FRMD7: variants seen among roughly 807,000 people sequenced by gnomAD.
FRMD7 encodes the protein FERM domain-containing protein 7.
FRMD7 carries 14 observed loss-of-function variants against 44.1 expected under a neutral mutation model. The observed-to-expected ratio is 0.32, with a 90% CI of 0.21 to 0.50. The LOEUF (loss-of-function observed/expected upper bound fraction) is 0.50. Ranked by LOEUF, FRMD7 falls within the 20% of genes least tolerant of loss-of-function variation. The pLI is 0.99. For synonymous variants in FRMD7, 212 were observed against 187.4 expected (o/e 1.13, Z -1.07); for missense variants, 501 against 522.3 (o/e 0.96, Z 0.40).
intron 1 of FRMD7, among the ~76,000 whole-genome samples, chrX:132,122,924 T>C (rs1480787712): frequency 8.9e-6 from 1 of 111,946 alleles, no homozygotes; most frequent in African/African-American, 3.2e-5. Context: ...ATAGAATACA[T>C]TGCCTGAAAG....
chrX:132,090,811 T>C (rs1928145987), intron 5 of FRMD7, among the ~76,000 whole-genome samples: 1 of 111,482 alleles, frequency 9.0e-6, no homozygotes, highest in Admixed American at 9.5e-5. Context: ...ACGTTGACCC[T>C]AAGAAAAACA....
At chrX:132,126,928 C>A (rs1328723000) in intron 1 of FRMD7, among the ~76,000 whole-genome samples, 1 of 112,339 alleles carries the variant, frequency 8.9e-6, no homozygotes, top group African/African-American at 3.2e-5. Flanking sequence ...CCCACACACA[C>A]AACATCATGG....
At chrX:132,093,563 C>CT (rs890657851) in intron 5 of FRMD7, among the ~76,000 whole-genome samples, 5 of 112,613 alleles carry the variant, frequency 4.4e-5, no homozygotes, top group Non-Finnish European at 9.4e-5. Flanking sequence ...ATGCCTGGGG[C>CT]TTTTTTCCCT....
intron 1 of FRMD7, among the ~76,000 whole-genome samples, chrX:132,112,619 T>C (rs1283005384): frequency 1.8e-5 from 2 of 111,840 alleles, no homozygotes; most frequent in African/African-American, 3.3e-5. Context: ...GTGTGAAAGA[T>C]GGAAGGCTTA....
At chrX:132,107,606 A>G (rs1166622804) in intron 1 of FRMD7, among the ~76,000 whole-genome samples, 4 of 101,622 alleles carry the variant, frequency 3.9e-5, no homozygotes, top group African/African-American at 1.4e-4. Flanking sequence ...TACATGGTGG[A>G]GAGAGAGAGA....
rs1176203248 is a variant in FRMD7 at position 132,080,223 on chromosome X, T to C, written c.949A>G (p.Arg317Gly). Residue 317 changes from arginine to glycine, a missense_variant, in exon 10 of 12, where the codon AGG (arginine) becomes GGG (glycine). Physicochemically the swap from Arg to Gly is moderately radical, Grantham distance 125. This residue lies in a region of FRMD7 where 453 missense variants were observed against 452.7 expected (regional missense o/e 1.00). Coordinates refer to ENST00000298542, the MANE Select transcript of FRMD7 (RefSeq NM_194277.3). The part of the protein sequence containing the change: ...RQLLEYGRKG[R>G]LKSLPFERKH... ...CTTTCAAATGGCAAGCTCTTCAGCC[T>C]CCCTTTTCTCCCATATTCCAAAAGT... 2.5e-6 allele frequency: 3 copies of C among 1,203,237 alleles called. No individual in the cohort carries two copies. The highest frequency in any genetic ancestry group is 4.4e-5 in the Admixed American group (2 of 45,750).
chrX:132,101,875 T>C (rs1388958244), intron 1 of FRMD7, among the ~76,000 whole-genome samples: 1 of 111,443 alleles, frequency 9.0e-6, no homozygotes, highest in African/African-American at 3.3e-5. Flanking sequence ...CTGCCTCCAC[T>C]ATTGCTGAAC....
chrX:132,126,783 C>T (rs757426737), intron 1 of FRMD7, among the ~76,000 whole-genome samples: 15 of 111,756 alleles, frequency 1.3e-4, no homozygotes, highest in South Asian at 3.8e-4. Flanking sequence ...CATTCAGGTC[C>T]GTGGAACTAG....
intron 1 of FRMD7, among the ~76,000 whole-genome samples, chrX:132,101,465 T>C (rs188131707): frequency 6.2e-5 from 7 of 112,383 alleles, no homozygotes; most frequent in Non-Finnish European, 3.8e-5. Context: ...CACCCTCACT[T>C]ACCTCAAGCA....
chrX:132,121,565 C>T (rs1352792529), intron 1 of FRMD7, among the ~76,000 whole-genome samples: 2 of 106,122 alleles, frequency 1.9e-5, no homozygotes, highest in Non-Finnish European at 3.9e-5. Flanking sequence ...CCCTATGGAG[C>T]AGGTACTAAT....
chrX:132,124,580 G>A (rs1264597973), intron 1 of FRMD7, among the ~76,000 whole-genome samples: 3 of 111,780 alleles, frequency 2.7e-5, no homozygotes, highest in African/African-American at 9.8e-5. Flanking sequence ...TATTTTCAGA[G>A]AATTTATCTA....
chrX:132,104,380 C>G (rs1241108427), intron 1 of FRMD7, among the ~76,000 whole-genome samples: 1 of 111,400 alleles, frequency 9.0e-6, no homozygotes, highest in Non-Finnish European at 1.9e-5. Flanking sequence ...ATAATGCATT[C>G]TATTCCCTCT....
chrX:132,102,714 G>A (rs1928535932), intron 1 of FRMD7, among the ~76,000 whole-genome samples: 2 of 111,649 alleles, frequency 1.8e-5, no homozygotes, highest in African/African-American at 6.5e-5. Flanking sequence ...TCAGTCATGA[G>A]GACCAAATTC....
rs1365091186 is a variant in FRMD7 at position 132,078,286 on chromosome X, T to C, written c.1731A>G (p.Ala577=). Residue 577 remains alanine (A), a synonymous_variant, in exon 12 of 12, where the codon GCA becomes GCG. Transcript: ENST00000298542. ...LEEEDPNLED[A]FVCNIQEQTP... ...TTTGCTCTTGAATGTTACATACAAA[T>C]GCATCTTCCAAATTTGGGTCTTCCT... The C allele has an allele frequency of 8.3e-7, 1 of 1,211,419 alleles. No homozygotes were observed.
chrX:132,094,807 T>C (rs1239209333), intron 4 of FRMD7, among the ~76,000 whole-genome samples: 1 of 111,639 alleles, frequency 9.0e-6, no homozygotes. Context: ...CAACACATCA[T>C]TTTACACAGT....
chrX:132,086,020 A>T lies in FRMD7; in HGVS notation c.397T>A (p.Phe133Ile), dbSNP rs1203155294. ...SHILQSELGD[F>I]HEETDRKHLA... ...TGCTTCCTATCTGTTTCTTCATGAA[A>T]GTCTCCAAGTTCTGCTGCATGACAG... The change falls in exon 6 of 12, where the codon TTT becomes ATT. Residue 133 changes from phenylalanine (F) to isoleucine (I), a missense_variant. Physicochemically the swap from Phe to Ile is conservative, Grantham distance 21 (BLOSUM62 0). Coordinates refer to ENST00000298542, the MANE Select transcript of FRMD7 (RefSeq NM_194277.3). 8.5e-7 allele frequency: 1 copy of T among 1,173,557 alleles called. No homozygotes were observed. The highest frequency in any genetic ancestry group is 1.2e-6 in the Non-Finnish European group (1 of 861,961).
intron 1 of FRMD7, among the ~76,000 whole-genome samples, chrX:132,113,081 A>G (rs927190049): frequency 8.1e-5 from 9 of 111,439 alleles, no homozygotes; most frequent in African/African-American, 2.3e-4. Flanking sequence ...TGAAATTATC[A>G]TGCCTAAATT....
chrX:132,088,369 G>A (rs975383142), intron 5 of FRMD7, among the ~76,000 whole-genome samples: 1 of 111,055 alleles, frequency 9.0e-6, no homozygotes, highest in South Asian at 3.8e-4. Flanking sequence ...GGGCAACATG[G>A]CAAGACCCCA....
chrX:132,125,693 A>G (rs1195180157), intron 1 of FRMD7, among the ~76,000 whole-genome samples: 1 of 112,274 alleles, frequency 8.9e-6, no homozygotes, highest in Admixed American at 9.4e-5. Flanking sequence ...AGAAGGGTCT[A>G]CTAACTGGTT....
Sources: gnomAD v4.1 joint callset for allele counts (sites outside exome capture counted in the v4.1 genomes callset) on GRCh38, gnomAD v4.1.1 for gene constraint, gnomAD v4.1.1 regional missense constraint, MANE v1.5 for transcripts, NCBI Gene and HGNC (gene_info 2026-07-23, HGNC 2026-07-21) for gene names.